ADCY3: variants seen among roughly 807,000 people sequenced by gnomAD.
The protein encoded by ADCY3 is adenylate cyclase type 3.
In ADCY3, 70 loss-of-function variants were observed where a neutral mutation model predicts 119.4. That is an observed-to-expected ratio of 0.59 (90% CI 0.48 to 0.72). ADCY3 has a LOEUF of 0.72. Ranked by LOEUF, ADCY3 falls within the 30% of genes least tolerant of loss-of-function variation. The probability of loss-of-function intolerance (pLI) is 0.00; values close to 1 mark genes in which losing one functional copy is unlikely to be tolerated. For synonymous variants in ADCY3, 672 were observed against 621.4 expected, an observed-to-expected ratio of 1.08 and a Z score of -1.21; for missense variants, 1,238 against 1,541.6, an observed-to-expected ratio of 0.80 and a Z score of 3.30.
rs144037020 is a variant in ADCY3 at position 24,891,296 on chromosome 2, A to G, written c.676-18577T>C. ...GAAAAATTTAAGAAATAAATAATTCATAAGTTTTAAATTGAGTAGTGTGAT... is the reference window on the plus strand; with the variant it reads ...GAAAAATTTAAGAAATAAATAATTCGTAAGTTTTAAATTGAGTAGTGTGAT... On this transcript the variant is annotated intron_variant, in intron 2 of 21. Coordinates refer to ENST00000679454, the MANE Select transcript of ADCY3 (RefSeq NM_004036.5). Among the ~76,000 whole-genome samples, 523 of 152,352 alleles carry G rather than the reference A, an allele frequency of 3.4e-3. 5 individuals are homozygous for G. Among genetic ancestry groups the G allele is most frequent in the African/African-American group, 0.012 (504 of 41,580 alleles).
Position 24,886,736 on chromosome 2 carries a change from C to T in ADCY3, c.676-14017G>A, listed in dbSNP as rs554811638. Among the ~76,000 whole-genome samples the T allele has an allele frequency of 3.2e-4, 48 of 152,324 alleles. No homozygotes were observed. The South Asian group carries it at 8.9e-3, about 28-fold the overall frequency. Reference sequence around the variant, plus strand: ...CTTAGAAACTGGAGCTGGTTCCGGGCGATGCCCACGGACTCACTGCTCTCA... The same window carrying T: ...CTTAGAAACTGGAGCTGGTTCCGGGTGATGCCCACGGACTCACTGCTCTCA... On this transcript the variant is annotated intron_variant, in intron 2 of 21. Transcript: ENST00000679454.
At chr2:24,861,476 C>T (rs1467081634) in intron 3 of ADCY3, among the ~76,000 whole-genome samples, 1 of 152,172 alleles carries the variant, frequency 6.6e-6, no homozygotes, top group Admixed American at 6.5e-5. Flanking sequence ...CCTCAAATGG[C>T]TCTTTGGAGC....
At chr2:24,847,765 A>G (rs1357073626) in intron 3 of ADCY3, among the ~76,000 whole-genome samples, 1 of 152,224 alleles carries the variant, frequency 6.6e-6, no homozygotes, top group Non-Finnish European at 1.5e-5. Context: ...TTTTCAAGAA[A>G]AGCCAGAGAT....
At chr2:24,914,433 G>A (rs919754275) in intron 2 of ADCY3, among the ~76,000 whole-genome samples, 1 of 152,164 alleles carries the variant, frequency 6.6e-6, no homozygotes, top group Non-Finnish European at 1.5e-5. Flanking sequence ...AGCACTTTGG[G>A]AGGCTAAGGC....
At chr2:24,859,151 G>A (rs1275235306) in intron 3 of ADCY3, among the ~76,000 whole-genome samples, 1 of 152,226 alleles carries the variant, frequency 6.6e-6, no homozygotes, top group Non-Finnish European at 1.5e-5. Context: ...AAGATAGCGA[G>A]TACAATGCAA....
intron 3 of ADCY3, among the ~76,000 whole-genome samples, chr2:24,843,880 G>A (rs759058805): frequency 6.6e-6 from 1 of 152,222 alleles, no homozygotes; most frequent in Admixed American, 6.5e-5. Context: ...GGGACCAGAG[G>A]CTCAGCAGGG....
In ADCY3 at chr2:24,899,720, C is replaced by T. The variant is rs942878860; in HGVS notation, c.675+18593G>A. Reference sequence around the variant, plus strand: ...AGGGGTGTGTAGAGCTTTGCTTCCCCGATTTGCATAAGCTTATATAAAGAA... The same window carrying T: ...AGGGGTGTGTAGAGCTTTGCTTCCCTGATTTGCATAAGCTTATATAAAGAA... On this transcript the variant is annotated intron_variant, in intron 2 of 21. Coordinates refer to ENST00000679454, the MANE Select transcript of ADCY3 (RefSeq NM_004036.5). The surrounding 1 kb of genome is among the most constrained non-coding windows in gnomAD (Gnocchi z 4.5). Among the ~76,000 whole-genome samples, 4 of 152,160 alleles carry T rather than the reference C, an allele frequency of 2.6e-5. No homozygotes were observed. Among genetic ancestry groups the T allele is most frequent in the African/African-American group, 4.8e-5 (2 of 41,416 alleles).
chr2:24,878,026 CAG>C lies in ADCY3; in HGVS notation c.676-5309_676-5308del, dbSNP rs1675932836. 15 of 459,260 alleles carry C rather than the reference CAG, an allele frequency of 3.3e-5. No individual in the cohort carries two copies. The highest frequency in any genetic ancestry group is 2.4e-4 in the South Asian group (15 of 63,154). The allele number at this position is 459,260 out of a possible 1,614,324, so 28.4% of individuals were successfully genotyped here. On this transcript the variant is annotated intron_variant, in intron 2 of 21. Transcript: ENST00000679454. This position sits in a 1 kb window ranked among gnomAD's most constrained non-coding sequence, Gnocchi z 4.0. The stretch of plus-strand genomic sequence containing the variant: ...ACAGCACGATCAGGCTCTGTGGTGA[CAG>C]AGGTCCACAGCCCCTGGGGTCTCTA...
intron 2 of ADCY3, among the ~76,000 whole-genome samples, chr2:24,907,422 T>A (rs1158554695): frequency 6.6e-6 from 1 of 152,242 alleles, no homozygotes; most frequent in Non-Finnish European, 1.5e-5. Context: ...GTAGATTTCT[T>A]CTGAAACAAG....
chr2:24,918,967 G>A lies in ADCY3; in HGVS notation c.21C>T (p.Phe7=). ...ACTCGGCCGAGTATTCGGGCTCGGAGAAGCCCTGGTTCCTCGGCATACTGG... is the reference window on the plus strand; with the variant it reads ...ACTCGGCCGAGTATTCGGGCTCGGAAAAGCCCTGGTTCCTCGGCATACTGG... The part of the protein sequence containing the change: MPRNQG[F]SEPEYSAEYS... Residue 7 remains phenylalanine (F), a synonymous_variant, in exon 2 of 22, where the codon TTC becomes TTT. Coordinates refer to ENST00000679454, the MANE Select transcript of ADCY3 (RefSeq NM_004036.5). The surrounding 1 kb of genome is among the most constrained non-coding windows in gnomAD (Gnocchi z 5.4). 6.3e-7 allele frequency: 1 copy of A among 1,592,346 alleles called. No individual in the cohort carries two copies. The highest frequency in any genetic ancestry group is 8.5e-7 in the Non-Finnish European group (1 of 1,172,130).
At chr2:24,833,117 C>T (rs902161814) in intron 11 of ADCY3, among the ~76,000 whole-genome samples, 2 of 152,252 alleles carry the variant, frequency 1.3e-5, no homozygotes, top group African/African-American at 4.8e-5. Flanking sequence ...TCACTGCTCC[C>T]GCTGTGCTCA....
intron 3 of ADCY3, among the ~76,000 whole-genome samples, chr2:24,865,585 G>A (rs1398581865): frequency 6.6e-6 from 1 of 151,266 alleles, no homozygotes; most frequent in Non-Finnish European, 1.5e-5. Context: ...AATAGTGACT[G>A]GTGATTCATG....
intron 2 of ADCY3, among the ~76,000 whole-genome samples, chr2:24,911,673 C>CACACACACACACA (rs1663694083): frequency 1.5e-5 from 2 of 135,818 alleles, no homozygotes; most frequent in African/African-American, 6.9e-5. Flanking sequence ...CACACACACA[C>CACACACACACACA]CACCAAGCCC....
rs536761322 is a variant in ADCY3 at position 24,899,567 on chromosome 2, C to T, written c.675+18746G>A. ...GACCAGCCCTGACTCTTCCTCAGCT[C>T]GAGAGGTGGCTGTGGCTCAAGGAGG... On this transcript the variant is annotated intron_variant, in intron 2 of 21. Coordinates refer to ENST00000679454, the MANE Select transcript of ADCY3 (RefSeq NM_004036.5). This position sits in a 1 kb window ranked among gnomAD's most constrained non-coding sequence, Gnocchi z 4.5. 2.6e-5 allele frequency among the ~76,000 whole-genome samples: 4 copies of T among 152,280 alleles called. No homozygotes were observed. Among genetic ancestry groups the T allele is most frequent in the Non-Finnish European group, 4.4e-5 (3 of 68,030 alleles).
At chr2:24,884,901 GC>G (rs1458775254) in intron 2 of ADCY3, among the ~76,000 whole-genome samples, 1 of 152,144 alleles carries the variant, frequency 6.6e-6, no homozygotes, top group Non-Finnish European at 1.5e-5. Flanking sequence ...CCACGGCGGT[GC>G]TTTCCACCTG....
chr2:24,824,278 CTGTCCCT>C, intron 17 of ADCY3, 93 bp downstream of exon 17: 6 of 1,473,454 alleles, frequency 4.1e-6, no homozygotes, highest in Non-Finnish European at 5.5e-6. Context: ...CCCCAGTCCC[CTGTCCCT>C]GAGAAGGCCT....
Position 24,834,425 on chromosome 2 carries a change from C to A in ADCY3, c.1967+60G>T. On this transcript the variant is annotated intron_variant, in intron 11 of 21. Coordinates refer to ENST00000679454, the MANE Select transcript of ADCY3 (RefSeq NM_004036.5). This position sits in a 1 kb window ranked among gnomAD's most constrained non-coding sequence, Gnocchi z 4.2. ...CTCCCGCTGAGACACCTGCCCCCGCCCCCCGCCCGGCACCACCGCAGCCGA... is the reference window on the plus strand; with the variant it reads ...CTCCCGCTGAGACACCTGCCCCCGCACCCCGCCCGGCACCACCGCAGCCGA... 1 of 1,008,450 alleles carries A rather than the reference C, an allele frequency of 9.9e-7. No individual in the cohort carries two copies. The highest frequency in any genetic ancestry group is 3.0e-5 in the East Asian group (1 of 33,700). 62.5% of individuals were successfully genotyped at this position (1,008,450 alleles called of 1,614,324 possible).
rs538010591 is a variant in ADCY3 at position 24,881,354 on chromosome 2, G to A, written c.676-8635C>T. Among the ~76,000 whole-genome samples, 84 of 152,338 alleles carry A rather than the reference G, an allele frequency of 5.5e-4. 2 individuals are homozygous for A. In the South Asian group the frequency reaches 0.017, roughly 30 times the overall value. ...TCTGGGCTGTTATGCAGCATTAGGTGAAAACAGCTGGCACCGACGTTAGGA... is the reference window on the plus strand; with the variant it reads ...TCTGGGCTGTTATGCAGCATTAGGTAAAAACAGCTGGCACCGACGTTAGGA... On this transcript the variant is annotated intron_variant, in intron 2 of 21. Transcript: ENST00000679454.
rs777858930 is a variant in ADCY3 at position 24,841,438 on chromosome 2, A to G, written c.1069-52T>C. The G allele has an allele frequency of 1.0e-5, 16 of 1,601,534 alleles. No individual in the cohort carries two copies. In the Admixed American group the frequency reaches 2.7e-4, roughly 28 times the overall value. ...TCCAGCCCCTCCTCAGTGAGGGAGGAGTGGCCAAGAAAGCAGAGGAAGGAC... is the reference window on the plus strand; with the variant it reads ...TCCAGCCCCTCCTCAGTGAGGGAGGGGTGGCCAAGAAAGCAGAGGAAGGAC... On this transcript the variant is annotated intron_variant, in intron 5 of 21. Coordinates refer to ENST00000679454, the MANE Select transcript of ADCY3 (RefSeq NM_004036.5). This position sits in a 1 kb window ranked among gnomAD's most constrained non-coding sequence, Gnocchi z 5.8.
Sources: allele counts gnomAD v4.1 joint callset (sites outside exome capture counted in the v4.1 genomes callset), GRCh38; gene constraint gnomAD v4.1.1; non-coding constraint Gnocchi (gnomAD v3.1); transcripts MANE v1.5; gene names NCBI Gene and HGNC (gene_info 2026-07-23, HGNC 2026-07-21).